Variants in UCHL5 observed in about 807,000 individuals in gnomAD.
UCHL5 encodes the protein ubiquitin C-terminal hydrolase L5.
Under a neutral mutation model 53.8 loss-of-function variants are expected in UCHL5, and 34 were observed. That is an observed-to-expected ratio of 0.63 (90% confidence interval 0.48 to 0.84). UCHL5 has a LOEUF of 0.84. UCHL5 is among the 40% of genes least tolerant of loss of function. The pLI, the probability that UCHL5 is intolerant of heterozygous loss-of-function variation, is 0.00. For synonymous variants in UCHL5, 111 were observed against 126.3 expected (o/e 0.88, Z 0.81); for missense variants, 290 against 385.6 (o/e 0.75, Z 2.08).
chr1:193,024,057 A>G (rs1658178892), intron 7 of UCHL5, 111 bp from the exon 8 acceptor site: 1 of 783,778 alleles, frequency 1.3e-6, no homozygotes, highest in Admixed American at 3.3e-5. Flanking sequence ...ACAAAAGTCT[A>G]TCAATTGGCT....
intron 3 of UCHL5, among the ~76,000 whole-genome samples, chr1:193,039,153 T>G (rs1364125734): frequency 2.6e-5 from 4 of 152,078 alleles, no homozygotes; most frequent in African/African-American, 9.7e-5. Flanking sequence ...GTAATCCCAG[T>G]ACTTTGGGAG....
At chr1:193,046,326 C>T (rs375641965) in intron 3 of UCHL5, among the ~76,000 whole-genome samples, 66 of 152,146 alleles carry the variant, frequency 4.3e-4, no homozygotes, top group African/African-American at 1.4e-3. Flanking sequence ...CCACCATGCC[C>T]GACCAGATTA....
At position 193,023,920 on chromosome 1, in the gene UCHL5, T is replaced by C; in HGVS notation, c.656A>G (p.Asn219Ser). Residue 219 changes from asparagine to serine, a missense_variant, in exon 8 of 11, where the codon AAT becomes AGT. Physicochemically the swap from Asn to Ser is conservative, Grantham distance 46 (BLOSUM62 1). Coordinates refer to ENST00000367454, the MANE Select transcript of UCHL5 (RefSeq NM_001199261.3). ...QKYSEGEIRF[N>S]LMAIVSDRKM... ...TCTGTCAGACACAATGGCCATTAAATTAAATCGAATTTCACCTTCACTGTA... is the reference window on the plus strand; with the variant it reads ...TCTGTCAGACACAATGGCCATTAAACTAAATCGAATTTCACCTTCACTGTA... 1 of 1,611,952 alleles carries C rather than the reference T, an allele frequency of 6.2e-7. No homozygotes were observed. Among genetic ancestry groups the C allele is most frequent in the Non-Finnish European group, 8.5e-7 (1 of 1,179,240 alleles).
In UCHL5 at chr1:193,016,270, G is replaced by GCCAAAC. The variant is rs1654890041; in HGVS notation, c.*80_*81insGTTTGG. The GCCAAAC allele has an allele frequency of 2.0e-5, 30 of 1,527,118 alleles. 3 individuals are homozygous for GCCAAAC. The Middle Eastern group carries it at 1.0e-3, about 52-fold the overall frequency. The allele number at this position is 1,527,118 out of a possible 1,614,324, so 94.6% of individuals were successfully genotyped here. ...AAACGTGCACTGAGCCAATTAGGAT[G>GCCAAAC]TTGCTCTAAGTTCTTTATACATAAT... On this transcript the variant is annotated 3_prime_UTR_variant, in exon 11 of 11. Transcript: ENST00000367454.
intron 3 of UCHL5, among the ~76,000 whole-genome samples, chr1:193,036,842 A>G (rs1014907133): frequency 6.6e-6 from 1 of 152,140 alleles, no homozygotes; most frequent in Non-Finnish European, 1.5e-5. Context: ...CTAGAAATCA[A>G]TAATAGAAAC....
chr1:193,049,689 G>T, intron 3 of UCHL5, 57 bp downstream of exon 3: 1 of 1,382,594 alleles, frequency 7.2e-7, no homozygotes, highest in Non-Finnish European at 9.9e-7. Context: ...GTAAACTAGA[G>T]TCTTGTTTAT....
chr1:193,020,700 A>G (rs1656662444), intron 10 of UCHL5, among the ~76,000 whole-genome samples: 1 of 149,372 alleles, frequency 6.7e-6, no homozygotes, highest in African/African-American at 2.4e-5. Context: ...AGTACAGGCT[A>G]TTTTTTTTTT....
At position 193,059,166 on chromosome 1, in the gene UCHL5, C is replaced by T. The variant is rs752361999; in HGVS notation, c.76+19G>A. 1 of 1,579,994 alleles carries T rather than the reference C, an allele frequency of 6.3e-7. No homozygotes were observed. The highest frequency in any genetic ancestry group is 2.3e-5 in the East Asian group (1 of 43,826). ...TCCTCCCGTGACCCCAGGCCCAGGA[C>T]GGTCCCCTTGGTTCTCACCGAATCC... On this transcript the variant is annotated intron_variant, in intron 1 of 10. Coordinates refer to ENST00000367454, the MANE Select transcript of UCHL5 (RefSeq NM_001199261.3). This position sits in a 1 kb window ranked among gnomAD's most constrained non-coding sequence, Gnocchi z 4.9.
intron 6 of UCHL5, 52 bp from the exon 7 acceptor site, chr1:193,028,200 C>A: frequency 6.9e-7 from 1 of 1,457,198 alleles, no homozygotes; most frequent in Non-Finnish European, 9.2e-7. Context: ...GAACAATCAA[C>A]TTTAAAATGC....
chr1:193,033,396 A>AG (rs993981884), intron 3 of UCHL5, among the ~76,000 whole-genome samples: 6 of 151,972 alleles, frequency 3.9e-5, no homozygotes, highest in African/African-American at 1.5e-4. Flanking sequence ...GGGCAAGGGG[A>AG]GGGATAGCAT....
At chr1:193,047,177 T>C (rs1354259754) in intron 3 of UCHL5, among the ~76,000 whole-genome samples, 1 of 152,196 alleles carries the variant, frequency 6.6e-6, no homozygotes, top group Admixed American at 6.5e-5. Context: ...ATTATTATTA[T>C]AGTTGTTGAG....
intron 6 of UCHL5, among the ~76,000 whole-genome samples, chr1:193,028,748 A>G (rs1399899537): frequency 2.0e-5 from 3 of 152,146 alleles, no homozygotes; most frequent in African/African-American, 7.2e-5. Context: ...AAATAGAGAA[A>G]TTTTAAGAAA....
intron 7 of UCHL5, among the ~76,000 whole-genome samples, chr1:193,026,757 C>T (rs1198275261): frequency 6.6e-6 from 1 of 151,158 alleles, no homozygotes; most frequent in African/African-American, 2.4e-5. Context: ...GGCATTTATC[C>T]CAGAGAAATG....
chr1:193,021,254 C>G, intron 9 of UCHL5, 59 bp from the exon 10 acceptor site: 1 of 1,150,212 alleles, frequency 8.7e-7, no homozygotes, highest in Non-Finnish European at 1.3e-6. Context: ...ATATTTTATT[C>G]TTTGCATCCA....
chr1:193,018,445 G>C (rs1029409049), intron 10 of UCHL5: 10 of 723,560 alleles, frequency 1.4e-5, no homozygotes, highest in Non-Finnish European at 1.5e-5. Flanking sequence ...TTTTAAGAAA[G>C]AGATTTGGTA....
chr1:193,025,790 GAGA>G (rs141998019), intron 7 of UCHL5, among the ~76,000 whole-genome samples: 3,185 of 152,186 alleles, frequency 0.021, 106 homozygotes, highest in African/African-American at 0.073. Context: ...TATAGATATA[GAGA>G]AGATTATACT....
At chr1:193,043,985 G>A (rs542281740) in intron 3 of UCHL5, among the ~76,000 whole-genome samples, 141 of 152,170 alleles carry the variant, frequency 9.3e-4, no homozygotes, top group Middle Eastern at 3.4e-3. Flanking sequence ...TTTCAGTAAC[G>A]TCTATGAGTC....
rs780172953 is a variant in UCHL5, at chr1:193,028,042, A to T, written c.629+43T>A. On this transcript the variant is annotated intron_variant, in intron 7 of 10. Transcript: ENST00000367454. ...TAAAATACAAGTTTAAAAAATACTT[A>T]AAAAACAGAATATTATGCCAATGAG... is the stretch of plus-strand genomic sequence containing the variant. 3.2e-6 allele frequency: 5 copies of T among 1,585,682 alleles called. No individual in the cohort carries two copies. The South Asian group carries it at 4.7e-5, about 15-fold the overall frequency.
At chr1:193,043,441 C>A (rs890882584) in intron 3 of UCHL5, among the ~76,000 whole-genome samples, 11 of 152,162 alleles carry the variant, frequency 7.2e-5, no homozygotes, top group Non-Finnish European at 1.3e-4. Flanking sequence ...TGAACTGTCA[C>A]TTACTCAGAG....
Sources: allele counts gnomAD v4.1 joint callset (sites outside exome capture counted in the v4.1 genomes callset), GRCh38; gene constraint gnomAD v4.1.1; non-coding constraint Gnocchi (gnomAD v3.1); transcripts MANE v1.5; gene names NCBI Gene and HGNC (gene_info 2026-07-23, HGNC 2026-07-21).